Variants in NR4A2 observed in about 807,000 individuals in gnomAD.
NR4A2 encodes nuclear receptor subfamily 4 group A member 2, also known as NGFI-B/nur77 beta-type transcription factor homolog.
In NR4A2, 1 loss-of-function variant was observed where a neutral mutation model predicts 50.5. The ratio of observed to expected loss-of-function variants is 0.02; its 90% CI spans 0.01 to 0.09. NR4A2 has a LOEUF of 0.09. Among genes scored for constraint, NR4A2 ranks in the 10% least tolerant of loss-of-function variants. The pLI is 1.00. For missense variants in NR4A2, 613 were observed against 777.3 expected (o/e 0.79, Z 2.51); for synonymous variants, 328 against 309.4 (o/e 1.06, Z -0.63).
In NR4A2 at chr2:156,329,189, C is replaced by T. The variant is rs1573816945; in HGVS notation, c.864+134G>A. The T allele has an allele frequency of 7.6e-7, 1 of 1,319,024 alleles. No homozygotes were observed. The highest frequency in any genetic ancestry group is 1.3e-5 in the South Asian group (1 of 78,410). The allele number at this position is 1,319,024 out of a possible 1,614,324, so 81.7% of individuals were successfully genotyped here. ...CCCATGGTCTCCTGCAGGGCAGCTT[C>T]GGCGGACCCCGGAGAGCTGGGCAGT... On this transcript the variant is annotated intron_variant, in intron 3 of 7. Coordinates refer to ENST00000339562, the MANE Select transcript of NR4A2 (RefSeq NM_006186.4). The surrounding 1 kb of genome is among the most constrained non-coding windows in gnomAD (Gnocchi z 7.5).
In NR4A2 at chr2:156,327,956, G is replaced by A. The variant is rs1686729535; in HGVS notation, c.1053C>T (p.Ser351=). ...RRGRLPSKPK[S]PQEPSPPSPP... ...GCGAAGGGGGAGAGGGCTCCTGTGG[G>A]CTCTTCGGTTTCGAGGGCAAACGAC... The change falls in exon 5 of 8, where the codon AGC becomes AGT. Residue 351 remains serine (S), a synonymous_variant. Coordinates refer to ENST00000339562, the MANE Select transcript of NR4A2 (RefSeq NM_006186.4). 8 of 1,599,816 alleles carry A rather than the reference G, an allele frequency of 5.0e-6. No individual in the cohort carries two copies. The highest frequency in any genetic ancestry group is 5.1e-6 in the Non-Finnish European group (6 of 1,172,220).
rs1686764536 is a variant in NR4A2 at position 156,328,593 on chromosome 2, C to T, written c.865-60G>A. The stretch of plus-strand genomic sequence containing the variant: ...TTCTTCTTTTGAAAATCAGGCAACT[C>T]GGAGAAAATTTCTGTTATGTGACTG... On this transcript the variant is annotated intron_variant, in intron 3 of 7. Coordinates refer to ENST00000339562, the MANE Select transcript of NR4A2 (RefSeq NM_006186.4). The surrounding 1 kb of genome is among the most constrained non-coding windows in gnomAD (Gnocchi z 4.9). 5 of 1,611,246 alleles carry T rather than the reference C, an allele frequency of 3.1e-6. No individual in the cohort carries two copies. Among genetic ancestry groups the T allele is most frequent in the East Asian group, 4.5e-5 (2 of 44,854 alleles).
In NR4A2 at chr2:156,325,941, A is replaced by C. The variant is rs61729997; in HGVS notation, c.1600T>G (p.Cys534Gly). ...TTGAAAGTCACGTGGTCTTTGAGAC[A>C]ATTTACAATCTTGTTTTGCAGTTCT... ...VEELQNKIVN[C>G]LKDHVTFNNG... Residue 534 changes from cysteine (C) to glycine (G), a missense_variant, in exon 8 of 8, where the codon TGT (cysteine) becomes GGT (glycine). By Grantham distance (159) the Cys-to-Gly change is radical. Coordinates refer to ENST00000339562, the MANE Select transcript of NR4A2 (RefSeq NM_006186.4). 9.3e-6 allele frequency: 15 copies of C among 1,614,206 alleles called. No homozygotes were observed. The highest frequency in any genetic ancestry group is 5.3e-5 in the African/African-American group (4 of 75,058).
At chr2:156,331,575 T>G (rs1197519485) in intron 1 of NR4A2, among the ~76,000 whole-genome samples, 1 of 152,220 alleles carries the variant, frequency 6.6e-6, no homozygotes, top group Non-Finnish European at 1.5e-5. Context: ...GATGAACACC[T>G]TCCCCATAAT....
chr2:156,332,322 A>T (rs1470862853), intron 1 of NR4A2, among the ~76,000 whole-genome samples, 158 bp downstream of exon 1: 1 of 152,154 alleles, frequency 6.6e-6, no homozygotes, highest in Non-Finnish European at 1.5e-5. Flanking sequence ...CCCCCCGGTA[A>T]CTGCGCGCAC....
Position 156,326,448 on chromosome 2 carries a change from TA to T in NR4A2, c.1362-121del. ...AGTCACCTAATTACTGAAGAGTTAATAAAATGTAGACCAGTGGACCTTGAAA... is the reference window on the plus strand; with the variant it reads ...AGTCACCTAATTACTGAAGAGTTAATAAATGTAGACCAGTGGACCTTGAAA... On this transcript the variant is annotated intron_variant, in intron 6 of 7. Coordinates refer to ENST00000339562, the MANE Select transcript of NR4A2 (RefSeq NM_006186.4). This position sits in a 1 kb window ranked among gnomAD's most constrained non-coding sequence, Gnocchi z 4.2. 9.8e-7 allele frequency: 1 copy of T among 1,018,834 alleles called. No individual in the cohort carries two copies. The highest frequency in any genetic ancestry group is 1.9e-5 in the Admixed American group (1 of 52,102). 63.1% of individuals were successfully genotyped at this position (1,018,834 alleles called of 1,614,324 possible).
Position 156,332,466 on chromosome 2 carries a change from C to G in NR4A2, c.-127+14G>C. On this transcript the variant is annotated intron_variant, in intron 1 of 7. Transcript: ENST00000339562. ...CATAAAAGAAGGCGAACTGCATGGG[C>G]TGCATCTACTCACTTAGGAGTTCTC... The G allele has an allele frequency of 7.8e-7, 1 of 1,288,604 alleles. No individual in the cohort carries two copies. Among genetic ancestry groups the G allele is most frequent in the Non-Finnish European group, 1.0e-6 (1 of 988,108 alleles). 79.8% of individuals were successfully genotyped at this position (1,288,604 alleles called of 1,614,324 possible).
At chr2:156,327,564 G>A (rs1686708335) in intron 5 of NR4A2, among the ~76,000 whole-genome samples, 1 of 151,958 alleles carries the variant, frequency 6.6e-6, no homozygotes, top group East Asian at 1.9e-4. Context: ...GGTGTATATG[G>A]AAGAGGAGGG....
At position 156,328,684 on chromosome 2, in the gene NR4A2, T is replaced by A. The variant is rs1686768300; in HGVS notation, c.865-151A>T. 4 of 1,024,542 alleles carry A rather than the reference T, an allele frequency of 3.9e-6. No individual in the cohort carries two copies. Among genetic ancestry groups the A allele is most frequent in the Non-Finnish European group, 5.8e-6 (4 of 691,220 alleles). 63.5% of individuals were successfully genotyped at this position (1,024,542 alleles called of 1,614,324 possible). A position where few individuals can be genotyped will look rare whatever the true frequency, so the allele number is the denominator to read the frequency against. ...ATTCCATTTTATTTTTTTCTCTTCC[T>A]TTTCTTTCTTTCTTTTCTTTTTTCC... On this transcript the variant is annotated intron_variant, in intron 3 of 7. Coordinates refer to ENST00000339562, the MANE Select transcript of NR4A2 (RefSeq NM_006186.4). The surrounding 1 kb of genome is among the most constrained non-coding windows in gnomAD (Gnocchi z 4.9).
chr2:156,332,568 G>T lies in NR4A2; in HGVS notation c.-215C>A, dbSNP rs1448407494. ...GCCCGGGCGCCGGGGTCGGGTAGGG[G>T]TGGGAGAGCTGGGCGAAGGGAACCC... On this transcript the variant is annotated 5_prime_UTR_variant, in exon 1 of 8. Transcript: ENST00000339562. 5 of 1,210,954 alleles carry T rather than the reference G, an allele frequency of 4.1e-6. No individual in the cohort carries two copies. Among genetic ancestry groups the T allele is most frequent in the African/African-American group, 3.1e-5 (2 of 64,346 alleles). 75.0% of individuals were successfully genotyped at this position (1,210,954 alleles called of 1,614,324 possible).
chr2:156,326,691 G>A lies in NR4A2; in HGVS notation c.1361+27C>T. On this transcript the variant is annotated intron_variant, in intron 6 of 7. Transcript: ENST00000339562. The surrounding 1 kb of genome is among the most constrained non-coding windows in gnomAD (Gnocchi z 4.2). ...TCTTGATTTCTCTCACAGCCTCCCT[G>A]GATTGTCTCCCTCCCTCCCTTATTA... is the stretch of plus-strand genomic sequence containing the variant. 6.6e-7 allele frequency: 1 copy of A among 1,515,932 alleles called. No homozygotes were observed. The highest frequency in any genetic ancestry group is 2.3e-5 in the East Asian group (1 of 43,850). The allele number at this position is 1,515,932 out of a possible 1,614,324, so 93.9% of individuals were successfully genotyped here.
In NR4A2 at chr2:156,325,392, G is replaced by T. The variant is rs115393922; in HGVS notation, c.*352C>A. 572 of 340,886 alleles carry T rather than the reference G, an allele frequency of 1.7e-3. 5 individuals are homozygous for T. Among genetic ancestry groups the T allele is most frequent in the African/African-American group, 9.5e-3 (447 of 46,878 alleles). The allele number at this position is 340,886 out of a possible 1,614,324, so 21.1% of individuals were successfully genotyped here. ...GTCTGAACTGCAACAACCAAGCATGGCCAAACATTTCCCATTATACATTAT... is the reference window on the plus strand; with the variant it reads ...GTCTGAACTGCAACAACCAAGCATGTCCAAACATTTCCCATTATACATTAT... On this transcript the variant is annotated 3_prime_UTR_variant, in exon 8 of 8. Coordinates refer to ENST00000339562, the MANE Select transcript of NR4A2 (RefSeq NM_006186.4).
chr2:156,332,513 A>G lies in NR4A2; in HGVS notation c.-160T>C, dbSNP rs753925746. On this transcript the variant is annotated 5_prime_UTR_variant, in exon 1 of 8. Transcript: ENST00000339562. ...TCTCCGCGTCTGTCTTCATTCATTC[A>G]ACTCTGCCGAAGTGCAGTTCCCTCT... 1.6e-6 allele frequency: 2 copies of G among 1,289,190 alleles called. No homozygotes were observed. The highest frequency in any genetic ancestry group is 2.0e-6 in the Non-Finnish European group (2 of 988,678). The allele number at this position is 1,289,190 out of a possible 1,614,324, so 79.9% of individuals were successfully genotyped here. A position where few individuals can be genotyped will look rare whatever the true frequency, so the allele number is the denominator to read the frequency against.
intron 5 of NR4A2, among the ~76,000 whole-genome samples, chr2:156,327,412 C>T (rs1353220594): frequency 6.6e-6 from 1 of 152,184 alleles, no homozygotes; most frequent in Admixed American, 6.5e-5. Context: ...CCCTGACCCC[C>T]AGACAGGCCC....
At position 156,328,300 on chromosome 2, in the gene NR4A2, G is replaced by A. The variant is rs113276990; in HGVS notation, c.994+104C>T. On this transcript the variant is annotated intron_variant, in intron 4 of 7. Transcript: ENST00000339562. The surrounding 1 kb of genome is among the most constrained non-coding windows in gnomAD (Gnocchi z 4.9). ...GGGTCCTGGAGGCCATACTGAGGGG[G>A]AGTCGGAGATCCCCAGCACCGGGAA... 4.5e-6 allele frequency: 7 copies of A among 1,569,194 alleles called. No individual in the cohort carries two copies. Among genetic ancestry groups the A allele is most frequent in the Non-Finnish European group, 5.3e-6 (6 of 1,141,504 alleles).
chr2:156,327,712 T>C, intron 5 of NR4A2, 139 bp downstream of exon 5: 1 of 1,030,672 alleles, frequency 9.7e-7, no homozygotes, highest in South Asian at 1.4e-5. Flanking sequence ...CTTGAGGCCC[T>C]GGCCAGAGCT....
chr2:156,332,041 G>A (rs1277462332), intron 1 of NR4A2: 1 of 162,470 alleles, frequency 6.2e-6, no homozygotes, highest in Non-Finnish European at 1.4e-5. Flanking sequence ...CAGCCGCGGA[G>A]ACACAGTTCC....
Position 156,332,603 on chromosome 2 carries a change from A to G in NR4A2, c.-250T>C. 1 of 789,470 alleles carries G rather than the reference A, an allele frequency of 1.3e-6. No homozygotes were observed. The highest frequency in any genetic ancestry group is 4.2e-4 in the Middle Eastern group (1 of 2,372). 48.9% of individuals were successfully genotyped at this position (789,470 alleles called of 1,614,324 possible). On this transcript the variant is annotated 5_prime_UTR_variant, in exon 1 of 8. Transcript: ENST00000339562. ...TGGGCGAAGGGAACCCGGACACCTC[A>G]CGGAGGGAGGGAGCAGGGACAGGCG...
Position 156,325,338 on chromosome 2 carries a change from GTGTGTGTA to G in NR4A2, c.*398_*405del. On this transcript the variant is annotated 3_prime_UTR_variant, in exon 8 of 8. Transcript: ENST00000339562. ...AAGATGTGTCTCTGTGTGTGTGTGT[GTGTGTGTA>G]TGTGTGTGTGTGTTACATTTGTCTG... The G allele has an allele frequency of 3.6e-6, 1 of 278,614 alleles. No homozygotes were observed. The highest frequency in any genetic ancestry group is 7.1e-6 in the Non-Finnish European group (1 of 141,494). 17.3% of individuals were successfully genotyped at this position (278,614 alleles called of 1,614,324 possible). A position where few individuals can be genotyped will look rare whatever the true frequency, so the allele number is the denominator to read the frequency against.
Sources: allele counts gnomAD v4.1 joint callset (sites outside exome capture counted in the v4.1 genomes callset), GRCh38; gene constraint gnomAD v4.1.1; non-coding constraint Gnocchi (gnomAD v3.1); transcripts MANE v1.5; gene names NCBI Gene and HGNC (gene_info 2026-07-23, HGNC 2026-07-21).